Variants in BLTP1 observed in about 807,000 individuals in gnomAD.
BLTP1 encodes fragile site-associated protein.
chr4:122,267,169 C>T, the BLTP1 span, among the ~76,000 whole-genome samples: 259 of 147,788 alleles, frequency 1.8e-3, 1 homozygote, highest in African/African-American at 6.2e-3. Context: ...TGCCATTCTC[C>T]TGCCTCAGCC....
the BLTP1 span, among the ~76,000 whole-genome samples, chr4:122,300,408 C>G: frequency 6.6e-6 from 1 of 152,118 alleles, no homozygotes; most frequent in Non-Finnish European, 1.5e-5. Flanking sequence ...CATTCCCTTT[C>G]TGGTGTATTT....
the BLTP1 span, among the ~76,000 whole-genome samples, chr4:122,168,226 T>A: frequency 6.6e-6 from 1 of 152,226 alleles, no homozygotes; most frequent in Non-Finnish European, 1.5e-5. Flanking sequence ...GTTTCTGTCT[T>A]TACAGCCTAA....
the BLTP1 span, among the ~76,000 whole-genome samples, chr4:122,165,175 CTCA>C: frequency 6.6e-6 from 1 of 152,064 alleles, no homozygotes; most frequent in East Asian, 1.9e-4. Context: ...CACCCATTAA[CTCA>C]TCATTTAACA....
the BLTP1 span, chr4:122,337,137 T>C: frequency 1.1e-6 from 1 of 898,442 alleles, no homozygotes; most frequent in Non-Finnish European, 1.7e-6. Flanking sequence ...TTCATGAACC[T>C]TTAGTATGTT....
the BLTP1 span, among the ~76,000 whole-genome samples, chr4:122,173,519 C>T: frequency 1.3e-5 from 2 of 152,140 alleles, no homozygotes; most frequent in Non-Finnish European, 2.9e-5. Context: ...GTCAGATTTC[C>T]CACCCTTCTA....
At chr4:122,230,282 A>G in the BLTP1 span, 2 of 1,273,648 alleles carry the variant, frequency 1.6e-6, no homozygotes, top group East Asian at 2.3e-5. Flanking sequence ...TGTAGAGGAA[A>G]TTCTACTGAG....
the BLTP1 span, chr4:122,224,187 C>T: frequency 8.9e-6 from 6 of 677,560 alleles, no homozygotes; most frequent in Non-Finnish European, 1.1e-5. Flanking sequence ...CTCTTGTATT[C>T]CCTGTCAAAG....
the BLTP1 span, chr4:122,305,228 T>C: frequency 0.29 from 282,715 of 978,260 alleles, 43,041 homozygotes; most frequent in South Asian, 0.47. Context: ...TCGTAATCAT[T>C]TGCTTGTAAT....
the BLTP1 span, chr4:122,266,824 A>G: frequency 6.2e-7 from 1 of 1,609,388 alleles, no homozygotes; most frequent in African/African-American, 1.3e-5. Flanking sequence ...GGATCCAGTC[A>G]CAGGATACAA....
chr4:122,175,645 C>T, the BLTP1 span, among the ~76,000 whole-genome samples: 1 of 152,102 alleles, frequency 6.6e-6, no homozygotes, highest in East Asian at 1.9e-4. Flanking sequence ...TATGCAAAGT[C>T]TCTTCCTTTT....
At chr4:122,352,464 A>G in the BLTP1 span, among the ~76,000 whole-genome samples, 15 of 151,020 alleles carry the variant, frequency 9.9e-5, no homozygotes, top group African/African-American at 3.6e-4. Context: ...GGTTCAAGCA[A>G]TTCTCCTGCC....
At chr4:122,325,193 G>C in the BLTP1 span, 1 of 1,555,058 alleles carries the variant, frequency 6.4e-7, no homozygotes, top group Non-Finnish European at 8.8e-7. Flanking sequence ...TTTTTAATGA[G>C]AATATTGGTG....
At chr4:122,232,966 C>T in the BLTP1 span, among the ~76,000 whole-genome samples, 1 of 152,310 alleles carries the variant, frequency 6.6e-6, no homozygotes, top group East Asian at 1.9e-4. Context: ...AATGTATATT[C>T]ATTTCTGATA....
At chr4:122,250,461 C>T in the BLTP1 span, 1 of 1,613,832 alleles carries the variant, frequency 6.2e-7, no homozygotes, top group Non-Finnish European at 8.5e-7. Flanking sequence ...AATAATTCTT[C>T]TGATTCTCCA....
the BLTP1 span, chr4:122,155,018 G>A: frequency 3.9e-6 from 3 of 775,660 alleles, no homozygotes; most frequent in Non-Finnish European, 3.1e-6. Context: ...TTAAGAAGCA[G>A]TGTAATTCAT....
At chr4:122,199,823 A>G in the BLTP1 span, 19 of 675,832 alleles carry the variant, frequency 2.8e-5, no homozygotes, top group Middle Eastern at 1.5e-3. Context: ...CAGGGTTTAA[A>G]TAATGTAATT....
chr4:122,157,597 C>A, the BLTP1 span, among the ~76,000 whole-genome samples: 1 of 152,092 alleles, frequency 6.6e-6, no homozygotes. Flanking sequence ...GGTGGTAATC[C>A]TCACTCACCT....
At chr4:122,185,362 A>T in the BLTP1 span, 15 of 985,172 alleles carry the variant, frequency 1.5e-5, no homozygotes, top group Non-Finnish European at 1.8e-5. Flanking sequence ...TTGGTAACAA[A>T]AGAAAGCATT....
the BLTP1 span, among the ~76,000 whole-genome samples, chr4:122,345,307 C>T: frequency 6.6e-6 from 1 of 151,880 alleles, no homozygotes; most frequent in Non-Finnish European, 1.5e-5. Flanking sequence ...TAAATTCTGT[C>T]TTGTATGAGA....
Sources: allele counts gnomAD v4.1 joint callset (sites outside exome capture counted in the v4.1 genomes callset), GRCh38; gene constraint gnomAD v4.1.1; transcripts MANE v1.5; gene names NCBI Gene and HGNC (gene_info 2026-07-23, HGNC 2026-07-21).